Variants in SEMA3C observed in about 807,000 individuals in gnomAD.
SEMA3C encodes the protein semaphorin-3C.
In SEMA3C, 47 loss-of-function variants were observed where a neutral mutation model predicts 89.4. The ratio of observed to expected loss-of-function variants is 0.53; its 90% CI spans 0.42 to 0.67. The LOEUF (loss-of-function observed/expected upper bound fraction) is 0.67, where lower values mean the gene tolerates loss of function less well. SEMA3C is among the 30% of genes least tolerant of loss of function. The pLI is 0.00. For missense variants in SEMA3C, 839 were observed against 929.1 expected, an observed-to-expected ratio of 0.90 and a Z score of 1.26; for synonymous variants, 310 against 320.2, an observed-to-expected ratio of 0.97 and a Z score of 0.34.
chr7:80,863,385 G>A lies in SEMA3C; in HGVS notation c.104-34640C>T, dbSNP rs74195137. On this transcript the variant is annotated intron_variant, in intron 2 of 17. Coordinates refer to ENST00000265361, the MANE Select transcript of SEMA3C (RefSeq NM_006379.5). The stretch of plus-strand genomic sequence containing the variant: ...GATGTTGGTGTGGATGTGGTGAACA[G>A]GCAACACTTCTACACTACTGGTAAG... 3.4e-3 allele frequency among the ~76,000 whole-genome samples: 514 copies of A among 150,766 alleles called. 10 individuals carry two copies. In the East Asian group the frequency reaches 0.034, roughly 10 times the overall value.
chr7:80,818,279 T>A lies in SEMA3C; in HGVS notation c.447+20A>T. Reference sequence around the variant, plus strand: ...TTGACACTAATATCAAAACTAAGAATGTTAAATAGTTATACTTACCTCTGA... The same window carrying A: ...TTGACACTAATATCAAAACTAAGAAAGTTAAATAGTTATACTTACCTCTGA... On this transcript the variant is annotated intron_variant, in intron 5 of 17. Coordinates refer to ENST00000265361, the MANE Select transcript of SEMA3C (RefSeq NM_006379.5). The A allele has an allele frequency of 6.4e-7, 1 of 1,562,678 alleles. No homozygotes were observed. Among genetic ancestry groups the A allele is most frequent in the Non-Finnish European group, 8.7e-7 (1 of 1,145,102 alleles).
At chr7:80,864,289 A>C (rs1262348321) in intron 2 of SEMA3C, among the ~76,000 whole-genome samples, 1 of 152,132 alleles carries the variant, frequency 6.6e-6, no homozygotes, top group Non-Finnish European at 1.5e-5. Flanking sequence ...AGTATGGTGC[A>C]GTGTACAATG....
chr7:80,896,294 G>A (rs541491675), intron 2 of SEMA3C, among the ~76,000 whole-genome samples: 2 of 152,148 alleles, frequency 1.3e-5, no homozygotes, highest in Admixed American at 1.3e-4. Context: ...GGAAAATAAA[G>A]TTGATATAAC....
At chr7:80,879,475 C>T (rs551628464) in intron 2 of SEMA3C, among the ~76,000 whole-genome samples, 1 of 152,238 alleles carries the variant, frequency 6.6e-6, no homozygotes, top group African/African-American at 2.4e-5. Context: ...TGATTGTCCT[C>T]TCAAGATGCT....
chr7:80,915,260 T>C (rs1442341828), intron 2 of SEMA3C, among the ~76,000 whole-genome samples: 1 of 152,184 alleles, frequency 6.6e-6, no homozygotes, highest in Non-Finnish European at 1.5e-5. Flanking sequence ...AGGGTCTGTT[T>C]TTCCATTCTT....
chr7:80,775,045 A>G (rs1788516065), intron 12 of SEMA3C, among the ~76,000 whole-genome samples: 1 of 152,104 alleles, frequency 6.6e-6, no homozygotes, highest in South Asian at 2.1e-4. Flanking sequence ...AGCCAAGAAG[A>G]TAATGGAATG....
At chr7:80,893,028 CTT>C (rs1411772350) in intron 2 of SEMA3C, among the ~76,000 whole-genome samples, 1 of 152,172 alleles carries the variant, frequency 6.6e-6, no homozygotes, top group Non-Finnish European at 1.5e-5. Context: ...CATAAAACCT[CTT>C]GTCCTTAAGC....
chr7:80,834,529 C>T (rs1790082125), intron 2 of SEMA3C, among the ~76,000 whole-genome samples: 1 of 152,054 alleles, frequency 6.6e-6, no homozygotes, highest in Admixed American at 6.6e-5. Flanking sequence ...ATATTATGTC[C>T]ATCAATAACA....
chr7:80,754,109 G>T (rs1787999537), intron 15 of SEMA3C, among the ~76,000 whole-genome samples: 1 of 152,058 alleles, frequency 6.6e-6, no homozygotes, highest in African/African-American at 2.4e-5. Context: ...GGCTAATTTT[G>T]TATTTTTAGT....
At chr7:80,792,819 C>G (rs1788975497) in intron 11 of SEMA3C, among the ~76,000 whole-genome samples, 1 of 152,112 alleles carries the variant, frequency 6.6e-6, no homozygotes, top group Non-Finnish European at 1.5e-5. Flanking sequence ...GCTGATAAGA[C>G]AGACAATGAG....
chr7:80,781,036 C>T (rs1788681186), intron 12 of SEMA3C, among the ~76,000 whole-genome samples: 1 of 152,124 alleles, frequency 6.6e-6, no homozygotes, highest in African/African-American at 2.4e-5. Context: ...TTCTAGAGAC[C>T]ACCCGCTTTC....
chr7:80,788,465 G>A (rs1788855610), intron 12 of SEMA3C, among the ~76,000 whole-genome samples: 1 of 152,044 alleles, frequency 6.6e-6, no homozygotes, highest in Non-Finnish European at 1.5e-5. Context: ...CAGATGAGTG[G>A]GTTTCATCCC....
intron 13 of SEMA3C, among the ~76,000 whole-genome samples, chr7:80,762,066 G>T (rs1788196564): frequency 7.5e-6 from 1 of 133,084 alleles, no homozygotes; most frequent in Non-Finnish European, 1.5e-5. Context: ...TCCAGCCTGG[G>T]CAACAAGAGC....
rs774031385 is a variant in SEMA3C, at chr7:80,818,299, C to G, written c.447G>C (p.Glu149Asp). ...CTYLNRGRRS[E>D]DQVFMIDSKC... The stretch of plus-strand genomic sequence containing the variant: ...AAGAATGTTAAATAGTTATACTTAC[C>G]TCTGATCTCCTCCCTCTGTTCAAGT... Residue 149 changes from glutamate (E) to aspartate (D), a missense_variant and splice_region_variant, in exon 5 of 18, where the codon GAG (glutamate) becomes GAC (aspartate). Glu to Asp is a conservative substitution (Grantham distance 45). Coordinates refer to ENST00000265361, the MANE Select transcript of SEMA3C (RefSeq NM_006379.5). 6.2e-7 allele frequency: 1 copy of G among 1,602,778 alleles called. No homozygotes were observed. Among genetic ancestry groups the G allele is most frequent in the South Asian group, 1.1e-5 (1 of 89,792 alleles).
chr7:80,892,060 ATTCT>A (rs1210981901), intron 2 of SEMA3C, among the ~76,000 whole-genome samples: 1 of 152,118 alleles, frequency 6.6e-6, no homozygotes, highest in Non-Finnish European at 1.5e-5. Context: ...AAAATCTTTC[ATTCT>A]TATATTACTA....
Position 80,758,482 on chromosome 7 carries a change from A to G in SEMA3C, c.1492T>C (p.Leu498=). 1.9e-6 allele frequency: 3 copies of G among 1,613,384 alleles called. No homozygotes were observed. The highest frequency in any genetic ancestry group is 2.5e-6 in the Non-Finnish European group (3 of 1,179,548). ...ACCCCTTCATTGGAACTCACATACAACTGTTGCTATTAAAGGAATGATGAT... is the reference window on the plus strand; with the variant it reads ...ACCCCTTCATTGGAACTCACATACAGCTGTTGCTATTAAAGGAATGATGAT... ...TMKISSKKQQ[L]YVSSNEGVSQ... The change falls in exon 15 of 18, where the codon TTG becomes CTG. Residue 498 remains leucine, a synonymous_variant. Coordinates refer to ENST00000265361, the MANE Select transcript of SEMA3C (RefSeq NM_006379.5).
At chr7:80,821,118 A>T (rs1267647894) in intron 4 of SEMA3C, among the ~76,000 whole-genome samples, 1 of 152,214 alleles carries the variant, frequency 6.6e-6, no homozygotes, top group Admixed American at 6.5e-5. Context: ...ACTGTGAAAT[A>T]ATCATATTGT....
At chr7:80,900,026 A>C (rs1414720497) in intron 2 of SEMA3C, among the ~76,000 whole-genome samples, 2 of 152,166 alleles carry the variant, frequency 1.3e-5, no homozygotes, top group Non-Finnish European at 2.9e-5. Flanking sequence ...GGATTTTCAC[A>C]TAACTGTCAC....
In SEMA3C at chr7:80,918,906, CCCA is replaced by C; in HGVS notation, c.-120_-118del. ...ATGCGCTTGTGTCTCCAGTCCTTTT[CCCA>C]GACGACCTTATTTTCTAGCACGTCG... On this transcript the variant is annotated 5_prime_UTR_variant, in exon 1 of 18. Coordinates refer to ENST00000265361, the MANE Select transcript of SEMA3C (RefSeq NM_006379.5). The C allele has an allele frequency of 4.1e-6, 4 of 985,464 alleles. No individual in the cohort carries two copies. Among genetic ancestry groups the C allele is most frequent in the Non-Finnish European group, 4.8e-6 (4 of 829,948 alleles). The allele number at this position is 985,464 out of a possible 1,614,324, so 61.0% of individuals were successfully genotyped here. A position where few individuals can be genotyped will look rare whatever the true frequency, so the allele number is the denominator to read the frequency against.
Sources: allele counts gnomAD v4.1 joint callset (sites outside exome capture counted in the v4.1 genomes callset), GRCh38; gene constraint gnomAD v4.1.1; transcripts MANE v1.5; gene names NCBI Gene and HGNC (gene_info 2026-07-23, HGNC 2026-07-21).